The following GRM8 variants were observed in gnomAD, a reference collection of about 807,000 sequenced individuals.
GRM8 encodes the protein metabotropic glutamate receptor 8.
A neutral mutation model predicts 87.2 loss-of-function variants in GRM8; 47 were observed. The ratio of observed to expected loss-of-function variants is 0.54; its 90% CI spans 0.43 to 0.69. The LOEUF is 0.69. GRM8 is among the 30% of genes least tolerant of loss of function. The probability of loss-of-function intolerance (pLI) is 0.00; values close to 1 mark genes in which losing one functional copy is unlikely to be tolerated. For missense variants in GRM8, 1,019 were observed against 1,139.2 expected (o/e 0.89, Z 1.52); for synonymous variants, 396 against 404.5 (o/e 0.98, Z 0.25).
chr7:126,957,878 C>T (rs1293354430), intron 3 of GRM8, among the ~76,000 whole-genome samples: 1 of 152,214 alleles, frequency 6.6e-6, no homozygotes, highest in African/African-American at 2.4e-5. Context: ...CTGCCCATTC[C>T]AGGTGGAGTC....
intron 6 of GRM8, among the ~76,000 whole-genome samples, chr7:126,899,878 T>C (rs1194339656): frequency 6.6e-6 from 1 of 151,936 alleles, no homozygotes; most frequent in East Asian, 1.9e-4. Context: ...TCTATTCTGT[T>C]CTCTCTCAAC....
intron 3 of GRM8, among the ~76,000 whole-genome samples, chr7:127,009,960 A>C (rs1248124333): frequency 6.6e-6 from 1 of 151,954 alleles, no homozygotes; most frequent in East Asian, 1.9e-4. Context: ...CCCCTGCCTC[A>C]GCCTCCCAAG....
intron 3 of GRM8, among the ~76,000 whole-genome samples, chr7:127,066,269 C>T (rs927010421): frequency 6.6e-6 from 1 of 152,184 alleles, no homozygotes; most frequent in Non-Finnish European, 1.5e-5. Context: ...TAATATAGTG[C>T]TAACCTTTTA....
At chr7:126,594,804 C>T (rs961010163) in intron 8 of GRM8, among the ~76,000 whole-genome samples, 5 of 152,062 alleles carry the variant, frequency 3.3e-5, no homozygotes, top group African/African-American at 1.2e-4. Context: ...CGTATATATA[C>T]TTCAAAACAT....
rs187298097 is a variant in GRM8, at chr7:126,820,871, T to G, written c.1157-50806A>C. On this transcript the variant is annotated intron_variant, in intron 6 of 10. Coordinates refer to ENST00000339582, the MANE Select transcript of GRM8 (RefSeq NM_000845.3). ...ATCATAGAACTTTGAGAGGCCAAGG[T>G]GGGCGGATCGCTTGAGGCCAGGAGT... 1.0e-3 allele frequency among the ~76,000 whole-genome samples: 159 copies of G among 152,300 alleles called. 1 individual carries two copies. The highest frequency in any genetic ancestry group is 0.01 in the Middle Eastern group (3 of 294).
chr7:126,644,180 T>C (rs1802787097), intron 7 of GRM8, among the ~76,000 whole-genome samples: 1 of 152,222 alleles, frequency 6.6e-6, no homozygotes, highest in South Asian at 2.1e-4. Flanking sequence ...CAAACTTTAT[T>C]TGTGGAATGA....
At chr7:127,217,751 C>T (rs1796654141) in intron 2 of GRM8, among the ~76,000 whole-genome samples, 2 of 152,178 alleles carry the variant, frequency 1.3e-5, no homozygotes, top group South Asian at 2.1e-4. Flanking sequence ...AACTGTAAAA[C>T]ATATTGATTC....
chr7:127,207,288 T>C (rs2116604437), intron 2 of GRM8, among the ~76,000 whole-genome samples: 1 of 152,292 alleles, frequency 6.6e-6, no homozygotes, highest in African/African-American at 2.4e-5. Context: ...TTCAGGACCC[T>C]TATTCCCAAG....
chr7:127,068,265 CA>C (rs1274236805), intron 3 of GRM8, among the ~76,000 whole-genome samples: 3 of 152,196 alleles, frequency 2.0e-5, no homozygotes, highest in African/African-American at 7.2e-5. Context: ...GCCAGCATTC[CA>C]AATTCAATTT....
chr7:126,924,118 G>A (rs562992743), intron 3 of GRM8, among the ~76,000 whole-genome samples: 12 of 152,222 alleles, frequency 7.9e-5, no homozygotes, highest in African/African-American at 1.4e-4. Flanking sequence ...CTTGCTCCTC[G>A]TCATTTACAC....
rs889674935 is a variant in GRM8, at chr7:126,980,797, A to G, written c.728-76114T>C. Among the ~76,000 whole-genome samples the G allele has an allele frequency of 7.2e-5, 11 of 152,262 alleles. No homozygotes were observed. In the South Asian group the frequency reaches 2.3e-3, roughly 32 times the overall value. The stretch of plus-strand genomic sequence containing the variant: ...TGTCATTTCTCATACATGAATCTCT[A>G]AAACAACCTCCCCAAAAGGTTTATT... On this transcript the variant is annotated intron_variant, in intron 3 of 10. Transcript: ENST00000339582.
intron 7 of GRM8, among the ~76,000 whole-genome samples, chr7:126,648,705 T>C (rs1211990183): frequency 6.6e-6 from 1 of 152,198 alleles, no homozygotes; most frequent in African/African-American, 2.4e-5. Context: ...AAGTTGCATA[T>C]CTAGAAACTC....
chr7:126,642,950 G>A (rs1360033039), intron 7 of GRM8, among the ~76,000 whole-genome samples: 1 of 152,046 alleles, frequency 6.6e-6, no homozygotes, highest in African/African-American at 2.4e-5. Context: ...ATTGTGTTTG[G>A]CACATAGGAA....
intron 3 of GRM8, among the ~76,000 whole-genome samples, chr7:126,980,310 C>A (rs1057309014): frequency 1.2e-4 from 18 of 152,162 alleles, no homozygotes; most frequent in Non-Finnish European, 2.1e-4. Context: ...CAAGTCAACA[C>A]CTAATGGAAA....
intron 2 of GRM8, among the ~76,000 whole-genome samples, chr7:127,142,738 C>T (rs755712669): frequency 5.3e-5 from 8 of 151,806 alleles, no homozygotes; most frequent in East Asian, 1.9e-4. Context: ...GACAGATGGA[C>T]GGATGGACAG....
At chr7:126,739,472 A>G (rs1814682118) in intron 7 of GRM8, among the ~76,000 whole-genome samples, 1 of 151,996 alleles carries the variant, frequency 6.6e-6, no homozygotes, top group South Asian at 2.1e-4. Context: ...GTATAAATAA[A>G]TATGTTATAT....
At chr7:127,128,006 G>A (rs563148965) in intron 2 of GRM8, among the ~76,000 whole-genome samples, 7 of 151,986 alleles carry the variant, frequency 4.6e-5, no homozygotes, top group Admixed American at 1.3e-4. Flanking sequence ...GCACCTTTAG[G>A]CCTATGCCCC....
chr7:127,196,595 C>A (rs1376599407), intron 2 of GRM8, among the ~76,000 whole-genome samples: 1 of 151,622 alleles, frequency 6.6e-6, no homozygotes, highest in African/African-American at 2.4e-5. Flanking sequence ...CTTTAGATAA[C>A]ATATTATTCT....
At chr7:127,048,455 T>A (rs983219188) in intron 3 of GRM8, among the ~76,000 whole-genome samples, 1 of 152,260 alleles carries the variant, frequency 6.6e-6, no homozygotes, top group Admixed American at 6.5e-5. Flanking sequence ...TAAGGTGGTC[T>A]GGCAGATTTT....
Sources: gnomAD v4.1 joint callset for allele counts (sites outside exome capture counted in the v4.1 genomes callset) on GRCh38, gnomAD v4.1.1 for gene constraint, MANE v1.5 for transcripts, NCBI Gene and HGNC (gene_info 2026-07-23, HGNC 2026-07-21) for gene names.